The following ATG16L1 variants were observed in gnomAD, a reference collection of about 807,000 sequenced individuals.
ATG16L1 encodes the protein autophagy related 16 like 1, also known as autophagy-related protein 16-1.
In ATG16L1, 37 loss-of-function variants were observed where a neutral mutation model predicts 88.5. That is an observed-to-expected ratio of 0.42 (90% CI 0.32 to 0.55). The LOEUF is 0.55. Ranked by LOEUF, ATG16L1 falls within the 20% of genes least tolerant of loss-of-function variation. The probability of loss-of-function intolerance (pLI) is 0.13; values close to 1 mark genes in which losing one functional copy is unlikely to be tolerated. For missense variants in ATG16L1, 554 were observed against 752.8 expected, an observed-to-expected ratio of 0.74 and a Z score of 3.09; for synonymous variants, 301 against 281.0, an observed-to-expected ratio of 1.07 and a Z score of -0.71.
At chr2:233,292,101 AT>A (rs766515262) in intron 14 of ATG16L1, 26 bp from the exon 15 acceptor site, 18 of 1,609,450 alleles carry the variant, frequency 1.1e-5, no homozygotes, top group Non-Finnish European at 1.5e-5. Context: ...CCTACGTTAC[AT>A]TTCTCAGATC....
At position 233,281,180 on chromosome 2, in the gene ATG16L1, G is replaced by A. The variant is rs1698695971; in HGVS notation, c.1131+5G>A. 1 of 1,571,080 alleles carries A rather than the reference G, an allele frequency of 6.4e-7. No homozygotes were observed. The highest frequency in any genetic ancestry group is 8.6e-7 in the Non-Finnish European group (1 of 1,159,410). On this transcript the variant is annotated splice_donor_5th_base_variant and intron_variant, in intron 11 of 17. Coordinates refer to ENST00000392017, the MANE Select transcript of ATG16L1 (RefSeq NM_030803.7). Reference sequence around the variant, plus strand: ...AGCATTGAATTTGATAGTGCTGTAAGTATTGAATAGCTATGATTTTAAAGG... The same window carrying A: ...AGCATTGAATTTGATAGTGCTGTAAATATTGAATAGCTATGATTTTAAAGG...
chr2:233,264,626 G>C (rs1467118012), intron 4 of ATG16L1, among the ~76,000 whole-genome samples: 1 of 152,094 alleles, frequency 6.6e-6, no homozygotes, highest in African/African-American at 2.4e-5. Flanking sequence ...AATATATACG[G>C]TTTCCAGCCT....
At chr2:233,265,797 A>G (rs564657493) in intron 5 of ATG16L1, among the ~76,000 whole-genome samples, 5 of 152,156 alleles carry the variant, frequency 3.3e-5, no homozygotes, top group South Asian at 2.1e-4. Flanking sequence ...ATTCCCTGCA[A>G]TCCTGCTAAG....
At chr2:233,267,442 C>A (rs1697681498) in intron 5 of ATG16L1, among the ~76,000 whole-genome samples, 1 of 141,688 alleles carries the variant, frequency 7.1e-6, no homozygotes, top group South Asian at 2.4e-4. Flanking sequence ...TACAGATGAT[C>A]CCAATTTTGT....
In ATG16L1 at chr2:233,253,340, G is replaced by GTTTTT. The variant is rs56151049; in HGVS notation, c.115+1415_115+1419dup. Among the ~76,000 whole-genome samples, 139 of 108,610 alleles carry GTTTTT rather than the reference G, an allele frequency of 1.3e-3. 1 individual carries two copies. Among genetic ancestry groups the GTTTTT allele is most frequent in the Middle Eastern group, 5.6e-3 (1 of 178 alleles). The allele number at this position is 108,610 out of a possible 152,430, so 71.3% of individuals were successfully genotyped here. A position where few individuals can be genotyped will look rare whatever the true frequency, so the allele number is the denominator to read the frequency against. ...GTTAATGGTGAGACTGGGTTTTTTT[G>GTTTTT]TTTTTTTTTTTTTTTTTTTTTGGAG... On this transcript the variant is annotated intron_variant, in intron 1 of 17. Transcript: ENST00000392017.
At chr2:233,258,044 T>A (rs1696938775) in intron 2 of ATG16L1, among the ~76,000 whole-genome samples, 1 of 151,174 alleles carries the variant, frequency 6.6e-6, no homozygotes, top group Admixed American at 6.6e-5. Flanking sequence ...TATCTATATA[T>A]CTATATCTAT....
chr2:233,273,967 CTGA>C (rs965556747), intron 8 of ATG16L1, 190 bp downstream of exon 8: 14 of 1,550,786 alleles, frequency 9.0e-6, no homozygotes, highest in Non-Finnish European at 1.2e-5. Context: ...TCGCTGCGTG[CTGA>C]TCTCTGGCCT....
intron 12 of ATG16L1, among the ~76,000 whole-genome samples, chr2:233,284,177 T>C (rs1000155515): frequency 2.7e-5 from 4 of 148,610 alleles, no homozygotes; most frequent in African/African-American, 1.0e-4. Flanking sequence ...TTTTCTGAGA[T>C]GGAGCCTGTT....
chr2:233,286,533 C>G (rs1211415452), intron 12 of ATG16L1, among the ~76,000 whole-genome samples: 1 of 150,884 alleles, frequency 6.6e-6, no homozygotes, highest in African/African-American at 2.4e-5. Context: ...AGGCCCAGCT[C>G]TATACCATTG....
At chr2:233,286,552 G>A (rs748054181) in intron 12 of ATG16L1, among the ~76,000 whole-genome samples, 5 of 151,220 alleles carry the variant, frequency 3.3e-5, no homozygotes, top group South Asian at 2.1e-4. Context: ...TGGAAGCACC[G>A]AGACAGTGAG....
intron 8 of ATG16L1, chr2:233,274,260 C>T: frequency 1.8e-6 from 1 of 550,778 alleles, no homozygotes; most frequent in Non-Finnish European, 3.2e-6. Context: ...ATGCGTTAGA[C>T]TCCACATTGA....
intron 5 of ATG16L1, chr2:233,265,934 C>G (rs986732696): frequency 3.9e-5 from 6 of 152,226 alleles, no homozygotes; most frequent in African/African-American, 1.2e-4. Flanking sequence ...AAAAGCTGCC[C>G]CAGAGAGCCC....
At chr2:233,266,525 G>T (rs774865566) in intron 5 of ATG16L1, among the ~76,000 whole-genome samples, 2 of 152,112 alleles carry the variant, frequency 1.3e-5, no homozygotes, top group African/African-American at 2.4e-5. Flanking sequence ...CAGTAGTTTC[G>T]AGTTTGAAGA....
Position 233,290,241 on chromosome 2 carries a change from C to A in ATG16L1, c.1325-7C>A. 6.2e-7 allele frequency: 1 copy of A among 1,613,666 alleles called. No homozygotes were observed. Among genetic ancestry groups the A allele is most frequent in the Non-Finnish European group, 8.5e-7 (1 of 1,179,578 alleles). On this transcript the variant is annotated splice_polypyrimidine_tract_variant and splice_region_variant and intron_variant, in intron 13 of 17. Coordinates refer to ENST00000392017, the MANE Select transcript of ATG16L1 (RefSeq NM_030803.7). Reference sequence around the variant, plus strand: ...TGCTTGATTAATGATGTTTGCATTTCTTTCAGGCATAAAGACAGTGTTTGC... The same window carrying A: ...TGCTTGATTAATGATGTTTGCATTTATTTCAGGCATAAAGACAGTGTTTGC...
chr2:233,292,469 A>G, intron 16 of ATG16L1, 35 bp downstream of exon 16: 7 of 1,611,902 alleles, frequency 4.3e-6, no homozygotes, highest in Non-Finnish European at 5.9e-6. Context: ...AATTTGGTTC[A>G]TCACAAAGAG....
At chr2:233,280,997 A>G (rs1437668932) in intron 10 of ATG16L1, 108 bp from the exon 11 acceptor site, 1 of 650,252 alleles carries the variant, frequency 1.5e-6, no homozygotes, top group East Asian at 2.7e-5. Context: ...CAGGATAGCT[A>G]TTGTTTTAGC....
chr2:233,292,064 C>G, intron 14 of ATG16L1, 64 bp from the exon 15 acceptor site: 3 of 1,565,950 alleles, frequency 1.9e-6, no homozygotes, highest in Non-Finnish European at 2.6e-6. Flanking sequence ...TTTTTTTCCT[C>G]CACGGCATGA....
chr2:233,291,465 G>T (rs1699454494), intron 14 of ATG16L1, among the ~76,000 whole-genome samples: 1 of 152,190 alleles, frequency 6.6e-6, no homozygotes. Context: ...TTCTTGCTTA[G>T]TTAAGGTGGG....
intron 5 of ATG16L1, among the ~76,000 whole-genome samples, chr2:233,268,685 T>A (rs1265303365): frequency 6.6e-6 from 1 of 152,230 alleles, no homozygotes; most frequent in Non-Finnish European, 1.5e-5. Flanking sequence ...GAGAGTTAGT[T>A]CACAGTTGTC....
Sources: gnomAD v4.1 joint callset for allele counts (sites outside exome capture counted in the v4.1 genomes callset) on GRCh38, gnomAD v4.1.1 for gene constraint, MANE v1.5 for transcripts, NCBI Gene and HGNC (gene_info 2026-07-23, HGNC 2026-07-21) for gene names.